Variants in SLC24A2 observed in about 807,000 individuals in gnomAD.
SLC24A2 encodes sodium/potassium/calcium exchanger 2.
Under a neutral mutation model 62.0 loss-of-function variants are expected in SLC24A2, and 36 were observed. The ratio of observed to expected loss-of-function variants is 0.58; its 90% CI spans 0.44 to 0.77. The LOEUF is 0.77. Among genes scored for constraint, SLC24A2 ranks in the 30% least tolerant of loss-of-function variants. The pLI, the probability that SLC24A2 is intolerant of heterozygous loss-of-function variation, is 0.00. For synonymous variants in SLC24A2, 358 were observed against 294.0 expected (o/e 1.22, Z -2.23); for missense variants, 846 against 817.9 (o/e 1.03, Z -0.42).
chr9:19,680,373 G>C (rs1400711623), intron 2 of SLC24A2, among the ~76,000 whole-genome samples: 5 of 152,042 alleles, frequency 3.3e-5, no homozygotes, highest in African/African-American at 1.2e-4. Context: ...GTGTGGCTCA[G>C]ATGACCACAG....
chr9:20,255,824 C>T, the SLC24A2 span, among the ~76,000 whole-genome samples: 5,824 of 152,294 alleles, frequency 0.038, 281 homozygotes, highest in African/African-American at 0.12. Flanking sequence ...CATACTTAAT[C>T]TGCCACATCA....
At chr9:20,001,899 C>T in the SLC24A2 span, among the ~76,000 whole-genome samples, 1 of 152,110 alleles carries the variant, frequency 6.6e-6, no homozygotes, top group South Asian at 2.1e-4. Flanking sequence ...GATATATTCC[C>T]AGAAAAATGT....
At chr9:20,111,684 T>C in the SLC24A2 span, among the ~76,000 whole-genome samples, 2 of 152,076 alleles carry the variant, frequency 1.3e-5, no homozygotes, top group South Asian at 4.2e-4. Context: ...CCCAAAGGAC[T>C]GGGATGGACA....
intron 2 of SLC24A2, among the ~76,000 whole-genome samples, chr9:19,662,542 G>A (rs868026127): frequency 3.9e-5 from 6 of 152,246 alleles, no homozygotes; most frequent in Admixed American, 1.3e-4. Context: ...TCCAAGGCAC[G>A]CACACATCTC....
chr9:19,616,114 G>C (rs183401895), intron 4 of SLC24A2, among the ~76,000 whole-genome samples: 66 of 151,980 alleles, frequency 4.3e-4, no homozygotes, highest in Admixed American at 1.3e-3. Flanking sequence ...GAGAATTGGG[G>C]AACTGGAGAA....
the SLC24A2 span, among the ~76,000 whole-genome samples, chr9:20,003,433 T>G: frequency 5.5e-4 from 84 of 152,298 alleles, 1 homozygote; most frequent in African/African-American, 2.0e-3. Context: ...TTTCAAGCTA[T>G]CAAAATGTTC....
chr9:19,912,176 A>G, the SLC24A2 span, among the ~76,000 whole-genome samples: 2 of 152,198 alleles, frequency 1.3e-5, no homozygotes, highest in East Asian at 3.9e-4. Flanking sequence ...GCTGAGACAC[A>G]TGCTTCCCCT....
chr9:19,708,385 C>T (rs1820601206), intron 2 of SLC24A2, among the ~76,000 whole-genome samples: 1 of 152,058 alleles, frequency 6.6e-6, no homozygotes, highest in Non-Finnish European at 1.5e-5. Context: ...TGACTTTCTT[C>T]ACAGAATTGG....
At chr9:19,692,193 C>G (rs1820064319) in intron 2 of SLC24A2, among the ~76,000 whole-genome samples, 1 of 152,084 alleles carries the variant, frequency 6.6e-6, no homozygotes, top group Non-Finnish European at 1.5e-5. Flanking sequence ...AAAATTCTCT[C>G]AAGGCTTATC....
At chr9:19,658,335 T>C (rs753969109) in intron 2 of SLC24A2, among the ~76,000 whole-genome samples, 1 of 151,964 alleles carries the variant, frequency 6.6e-6, no homozygotes, top group Non-Finnish European at 1.5e-5. Flanking sequence ...AATAAAACAA[T>C]AGCTAATGCC....
chr9:19,988,735 G>A, the SLC24A2 span, among the ~76,000 whole-genome samples: 1,354 of 152,228 alleles, frequency 8.9e-3, 26 homozygotes, highest in African/African-American at 0.032. Context: ...AATGCAGGCA[G>A]GAGAGAAACA....
intron 10 of SLC24A2, 47 bp from the exon 11 acceptor site, chr9:19,516,449 G>T: frequency 1.2e-6 from 2 of 1,606,772 alleles, no homozygotes; most frequent in Non-Finnish European, 1.7e-6. Flanking sequence ...AGACAAGGGA[G>T]TAGTCAGACA....
At chr9:19,542,616 C>T (rs1834332305) in intron 8 of SLC24A2, among the ~76,000 whole-genome samples, 1 of 152,106 alleles carries the variant, frequency 6.6e-6, no homozygotes, top group African/African-American at 2.4e-5. Context: ...TCAATCAGTG[C>T]CTACTTTATT....
At chr9:20,181,820 A>G in the SLC24A2 span, among the ~76,000 whole-genome samples, 1 of 152,246 alleles carries the variant, frequency 6.6e-6, no homozygotes. Flanking sequence ...CTGCACAGCA[A>G]AAGAAATTAT....
intron 2 of SLC24A2, among the ~76,000 whole-genome samples, chr9:19,654,199 T>C (rs1024532884): frequency 1.3e-5 from 2 of 152,324 alleles, no homozygotes; most frequent in Non-Finnish European, 2.9e-5. Flanking sequence ...TCATATAGAA[T>C]GTAGCCTTTG....
At chr9:20,259,785 A>T in the SLC24A2 span, among the ~76,000 whole-genome samples, 1 of 152,184 alleles carries the variant, frequency 6.6e-6, no homozygotes, top group Non-Finnish European at 1.5e-5. Context: ...TGCCATTGTA[A>T]CAGTATTAAG....
At chr9:20,019,131 A>C in the SLC24A2 span, among the ~76,000 whole-genome samples, 6 of 123,824 alleles carry the variant, frequency 4.8e-5, no homozygotes, top group African/African-American at 1.2e-4. Context: ...GAAAGAAAGA[A>C]AGAAAGAAAG....
At chr9:19,863,188 T>G in the SLC24A2 span, among the ~76,000 whole-genome samples, 1 of 151,980 alleles carries the variant, frequency 6.6e-6, no homozygotes, top group Non-Finnish European at 1.5e-5. Flanking sequence ...AGCAAGAATA[T>G]TTAACAATTT....
chr9:20,120,732 G>A, the SLC24A2 span, among the ~76,000 whole-genome samples: 1 of 152,126 alleles, frequency 6.6e-6, no homozygotes, highest in East Asian at 1.9e-4. Context: ...AGGAAAAGCA[G>A]CAGCTTTGCC....
Sources: gnomAD v4.1 joint callset for allele counts (sites outside exome capture counted in the v4.1 genomes callset) on GRCh38, gnomAD v4.1.1 for gene constraint, MANE v1.5 for transcripts, NCBI Gene and HGNC (gene_info 2026-07-23, HGNC 2026-07-21) for gene names.